NBAS: variants seen among roughly 807,000 people sequenced by gnomAD.
The protein encoded by NBAS is NBAS subunit of NRZ tethering complex, also known as NAG/BC035112 fusion.
In NBAS, 219 loss-of-function variants were observed where a neutral mutation model predicts 302.5. The ratio of observed to expected loss-of-function variants is 0.72; its 90% CI spans 0.65 to 0.81. The LOEUF (loss-of-function observed/expected upper bound fraction) is 0.81. Among genes scored for constraint, NBAS ranks in the 30% least tolerant of loss-of-function variants. The pLI is 0.00. For missense variants in NBAS, 2,932 were observed against 2,841.6 expected, an observed-to-expected ratio of 1.03 and a Z score of -0.72; for synonymous variants, 1,118 against 1,021.6, an observed-to-expected ratio of 1.09 and a Z score of -1.80.
the NBAS span, among the ~76,000 whole-genome samples, chr2:14,873,712 C>G: frequency 2.0e-5 from 3 of 146,584 alleles, no homozygotes; most frequent in Non-Finnish European, 4.5e-5. Context: ...CCCACACATA[C>G]CACACATATT....
intron 44 of NBAS, among the ~76,000 whole-genome samples, chr2:15,247,536 G>T (rs999098579): frequency 1.3e-5 from 2 of 151,614 alleles, no homozygotes; most frequent in Non-Finnish European, 2.9e-5. Context: ...GCAAGCAAAT[G>T]GAAACGAAAA....
chr2:15,281,203 T>C (rs575145161), intron 42 of NBAS, among the ~76,000 whole-genome samples: 2 of 152,336 alleles, frequency 1.3e-5, no homozygotes, highest in East Asian at 3.9e-4. Context: ...GCTTTGTCTC[T>C]TCTATAAGGA....
At chr2:14,811,593 A>G in the NBAS span, among the ~76,000 whole-genome samples, 1 of 152,210 alleles carries the variant, frequency 6.6e-6, no homozygotes, top group African/African-American at 2.4e-5. Context: ...GCAGCCAAAC[A>G]TCATGCAATG....
At chr2:15,127,724 G>GT in the NBAS span, among the ~76,000 whole-genome samples, 5 of 152,118 alleles carry the variant, frequency 3.3e-5, no homozygotes, top group Non-Finnish European at 7.3e-5. Flanking sequence ...TCTTTAAAGT[G>GT]TAATGGCTGT....
the NBAS span, among the ~76,000 whole-genome samples, chr2:15,074,959 G>T: frequency 2.6e-5 from 4 of 152,168 alleles, no homozygotes; most frequent in Non-Finnish European, 4.4e-5. Flanking sequence ...CCCAGTGTTG[G>T]TTGAGGGGAT....
At chr2:15,430,393 T>C (rs922974326) in intron 21 of NBAS, among the ~76,000 whole-genome samples, 6 of 152,312 alleles carry the variant, frequency 3.9e-5, no homozygotes, top group South Asian at 2.1e-4. Flanking sequence ...ATGATAATAA[T>C]AGCATTACTA....
At chr2:15,037,018 C>A in the NBAS span, among the ~76,000 whole-genome samples, 1 of 152,132 alleles carries the variant, frequency 6.6e-6, no homozygotes, top group East Asian at 1.9e-4. Flanking sequence ...AGGAAGGATG[C>A]ACAATGAATA....
At chr2:14,783,323 T>TATC in the NBAS span, among the ~76,000 whole-genome samples, 2 of 152,052 alleles carry the variant, frequency 1.3e-5, no homozygotes, top group Admixed American at 1.3e-4. Context: ...TTTTTTTTAT[T>TATC]ATTATTATTA....
intron 40 of NBAS, among the ~76,000 whole-genome samples, chr2:15,307,423 G>T (rs1197630807): frequency 6.6e-6 from 1 of 152,192 alleles, no homozygotes; most frequent in Non-Finnish European, 1.5e-5. Context: ...AATTTAAGTT[G>T]TATTAGAATT....
At chr2:14,881,245 A>G in the NBAS span, among the ~76,000 whole-genome samples, 1 of 152,248 alleles carries the variant, frequency 6.6e-6, no homozygotes, top group African/African-American at 2.4e-5. Flanking sequence ...TCCTAAGTGA[A>G]TTAATGCAGA....
intron 32 of NBAS, among the ~76,000 whole-genome samples, chr2:15,364,357 C>A (rs959071807): frequency 2.0e-5 from 3 of 152,100 alleles, no homozygotes; most frequent in Admixed American, 2.0e-4. Flanking sequence ...CATGGGGAAA[C>A]CCCGTTTCTA....
the NBAS span, among the ~76,000 whole-genome samples, chr2:15,115,928 T>C: frequency 6.6e-6 from 1 of 152,226 alleles, no homozygotes; most frequent in African/African-American, 2.4e-5. Context: ...CACATGAAGC[T>C]ACTTCAGGCC....
Position 15,356,291 on chromosome 2 carries a change from C to G in NBAS, c.3931+12G>C, listed in dbSNP as rs778377989. On this transcript the variant is annotated intron_variant, in intron 33 of 51. Transcript: ENST00000281513. ...GGACATAAGCAAAGTGTTAAATAAG[C>G]TGTCTACTCACCTGTGGCCATCAGC... is the stretch of plus-strand genomic sequence containing the variant. The G allele has an allele frequency of 1.9e-6, 3 of 1,600,858 alleles. No homozygotes were observed. In the South Asian group the frequency reaches 3.3e-5, roughly 18 times the overall value.
intron 44 of NBAS, among the ~76,000 whole-genome samples, chr2:15,244,357 T>C (rs1271618435): frequency 2.7e-5 from 4 of 150,076 alleles, no homozygotes; most frequent in Non-Finnish European, 5.9e-5. Context: ...AGTGGGGAGG[T>C]CTTCCCTGGA....
the NBAS span, among the ~76,000 whole-genome samples, chr2:14,986,860 A>T: frequency 6.6e-6 from 1 of 152,154 alleles, no homozygotes. Context: ...CCATCATTTG[A>T]TCAATACAGG....
At chr2:15,386,829 T>C (rs951625427) in intron 28 of NBAS, among the ~76,000 whole-genome samples, 7 of 152,186 alleles carry the variant, frequency 4.6e-5, no homozygotes, top group African/African-American at 1.4e-4. Context: ...AAATATATAT[T>C]GGATGTACTA....
intron 21 of NBAS, among the ~76,000 whole-genome samples, chr2:15,446,906 A>G (rs1468074920): frequency 6.6e-6 from 1 of 152,028 alleles, no homozygotes; most frequent in Non-Finnish European, 1.5e-5. Flanking sequence ...AATCACAAGA[A>G]AGTATAACTA....
intron 47 of NBAS, among the ~76,000 whole-genome samples, chr2:15,220,060 G>A (rs1666870989): frequency 6.7e-6 from 1 of 148,346 alleles, no homozygotes; most frequent in Non-Finnish European, 1.5e-5. Flanking sequence ...CCCGGACGGG[G>A]CGGCTGGCCG....
chr2:15,553,813 CCT>C (rs1311023134), intron 4 of NBAS, among the ~76,000 whole-genome samples: 1 of 124,904 alleles, frequency 8.0e-6, no homozygotes, highest in East Asian at 2.8e-4. Context: ...TCCCTCCCTC[CCT>C]CTCTCCCTCT....
Sources: gnomAD v4.1 joint callset for allele counts (sites outside exome capture counted in the v4.1 genomes callset) on GRCh38, gnomAD v4.1.1 for gene constraint, MANE v1.5 for transcripts, NCBI Gene and HGNC (gene_info 2026-07-23, HGNC 2026-07-21) for gene names.